The following RB1 variants were observed in gnomAD, a reference collection of about 807,000 sequenced individuals.
RB1 encodes the protein RB transcriptional corepressor 1.
In RB1, 18 loss-of-function variants were observed where a neutral mutation model predicts 135.4. That is an observed-to-expected ratio of 0.13 (90% CI 0.09 to 0.20). The LOEUF is 0.20. RB1 is among the 10% of genes least tolerant of loss of function. The pLI is 1.00. For missense variants in RB1, 868 were observed against 1,110.0 expected, an observed-to-expected ratio of 0.78 and a Z score of 3.10; for synonymous variants, 365 against 373.2, an observed-to-expected ratio of 0.98 and a Z score of 0.25.
intron 13 of RB1, 96 bp downstream of exon 13, chr13:48,377,130 T>A: frequency 1.6e-6 from 2 of 1,273,084 alleles, no homozygotes; most frequent in Non-Finnish European, 2.3e-6. Flanking sequence ...AGTATTTGTC[T>A]AGTAGTATAA....
intron 23 of RB1, among the ~76,000 whole-genome samples, chr13:48,471,573 T>TTAAAAAA (rs71072103): frequency 0.21 from 27,715 of 133,644 alleles, 3,356 homozygotes; most frequent in Non-Finnish European, 0.24. Flanking sequence ...AAAATATAAA[T>TTAAAAAA]AAAAAAAAAA....
intron 17 of RB1, among the ~76,000 whole-genome samples, chr13:48,432,118 G>A (rs1949136361): frequency 6.6e-6 from 1 of 152,128 alleles, no homozygotes; most frequent in Non-Finnish European, 1.5e-5. Context: ...GTTCTACATA[G>A]GGAGGTCAAA....
chr13:48,323,653 T>C (rs1215601983), intron 2 of RB1, among the ~76,000 whole-genome samples: 1 of 152,130 alleles, frequency 6.6e-6, no homozygotes, highest in Non-Finnish European at 1.5e-5. Context: ...ATAATTGTAC[T>C]GCCTACTTTT....
At chr13:48,402,556 C>A (rs1327348839) in intron 17 of RB1, among the ~76,000 whole-genome samples, 1 of 151,348 alleles carries the variant, frequency 6.6e-6, no homozygotes, top group East Asian at 1.9e-4. Flanking sequence ...TTTTTTTATT[C>A]TTTGTAGAGA....
At chr13:48,456,764 G>A (rs1230469425) in intron 19 of RB1, among the ~76,000 whole-genome samples, 10 of 152,230 alleles carry the variant, frequency 6.6e-5, no homozygotes, top group Admixed American at 5.9e-4. Flanking sequence ...GCAGCGGGGC[G>A]GGCAGCTCCA....
intron 25 of RB1, among the ~76,000 whole-genome samples, chr13:48,477,092 G>A (rs1292031005): frequency 1.3e-5 from 2 of 152,040 alleles, no homozygotes; most frequent in African/African-American, 2.4e-5. Context: ...ATAAAATTTT[G>A]TTATTCTTAA....
At chr13:48,465,449 C>A (rs2138346608) in intron 23 of RB1, 81 bp downstream of exon 23, 1 of 1,351,810 alleles carries the variant, frequency 7.4e-7, no homozygotes, top group Non-Finnish European at 1.0e-6. Flanking sequence ...ATAAAGCATT[C>A]TTCATTTCAA....
At chr13:48,316,924 C>T (rs1472365101) in intron 2 of RB1, 3 of 367,548 alleles carry the variant, frequency 8.2e-6, no homozygotes, top group East Asian at 1.3e-4. Context: ...TCACTGGCGT[C>T]ACTAACCAAG....
intron 2 of RB1, 150 bp from the exon 3 acceptor site, chr13:48,342,449 C>A: frequency 1.9e-6 from 1 of 518,356 alleles, no homozygotes; most frequent in Non-Finnish European, 3.4e-6. Flanking sequence ...CAAATATATG[C>A]CATCAGAAGG....
intron 6 of RB1, among the ~76,000 whole-genome samples, chr13:48,357,780 A>G (rs1952605517): frequency 1.3e-5 from 2 of 152,062 alleles, no homozygotes; most frequent in South Asian, 4.1e-4. Flanking sequence ...AGAGGGTAAG[A>G]TGATGATCAG....
chr13:48,317,724 GCCC>G, intron 2 of RB1: 1 of 520,354 alleles, frequency 1.9e-6, no homozygotes, highest in Non-Finnish European at 3.0e-6. Flanking sequence ...GCCCCTTCCT[GCCC>G]TGGCTGAACA....
chr13:48,479,509 T>C (rs970322954), intron 26 of RB1, among the ~76,000 whole-genome samples: 6 of 152,206 alleles, frequency 3.9e-5, no homozygotes, highest in African/African-American at 1.4e-4. Flanking sequence ...ATTTATCTCA[T>C]TTTAATGTTT....
At chr13:48,405,518 C>T (rs1384934391) in intron 17 of RB1, among the ~76,000 whole-genome samples, 1 of 152,124 alleles carries the variant, frequency 6.6e-6, no homozygotes, top group African/African-American at 2.4e-5. Context: ...CATGCACAGC[C>T]CACAGACCAT....
At chr13:48,317,917 T>G (rs1338193008) in intron 2 of RB1, 2 of 406,662 alleles carry the variant, frequency 4.9e-6, no homozygotes, top group East Asian at 1.2e-4. Flanking sequence ...GCCCTCTGCC[T>G]GAACTTCTGA....
chr13:48,416,951 G>A (rs1948921434), intron 17 of RB1, among the ~76,000 whole-genome samples: 1 of 152,164 alleles, frequency 6.6e-6, no homozygotes, highest in Non-Finnish European at 1.5e-5. Context: ...CATCTCCCTG[G>A]GACAGAGCAC....
chr13:48,417,364 A>G (rs1793435479), intron 17 of RB1: 1 of 152,342 alleles, frequency 6.6e-6, no homozygotes. Context: ...ACTAACAAAC[A>G]GAAATGAATA....
At chr13:48,447,661 G>A (rs1044846177) in intron 17 of RB1, among the ~76,000 whole-genome samples, 10 of 152,052 alleles carry the variant, frequency 6.6e-5, no homozygotes, top group African/African-American at 2.4e-4. Flanking sequence ...AGCTTATTGA[G>A]GGTCATGTAG....
intron 2 of RB1, chr13:48,340,699 A>G (rs533716295): frequency 4.5e-4 from 79 of 174,390 alleles, no homozygotes; most frequent in South Asian, 1.8e-3. Flanking sequence ...TTTAAAGACT[A>G]TGGTAGTTGG....
rs145739100 is a variant in RB1 at position 48,458,007 on chromosome 13, C to T, written c.1960+1658C>T. ...GGGGAGGGTGGGACTCCTACCTGCT[C>T]CCCAGCCCAGAGAGCACAGGGATGC... On this transcript the variant is annotated intron_variant, in intron 19 of 26. Coordinates refer to ENST00000267163, the MANE Select transcript of RB1 (RefSeq NM_000321.3). 1.6e-3 allele frequency among the ~76,000 whole-genome samples: 245 copies of T among 152,292 alleles called. 1 individual carries two copies. The highest frequency in any genetic ancestry group is 3.3e-3 in the South Asian group (16 of 4,828).
Sources: gnomAD v4.1 joint callset for allele counts (sites outside exome capture counted in the v4.1 genomes callset) on GRCh38, gnomAD v4.1.1 for gene constraint, MANE v1.5 for transcripts, NCBI Gene and HGNC (gene_info 2026-07-23, HGNC 2026-07-21) for gene names.